GRID2: variants seen among roughly 807,000 people sequenced by gnomAD.
The protein encoded by GRID2 is glutamate ionotropic receptor delta type subunit 2, also known as glutamate receptor ionotropic, delta-2.
In GRID2, 33 loss-of-function variants were observed where a neutral mutation model predicts 114.8. That is an observed-to-expected ratio of 0.29 (90% confidence interval 0.22 to 0.38). GRID2 has a LOEUF of 0.38. GRID2 is among the 10% of genes least tolerant of loss of function. GRID2 has a pLI of 1.00. For missense variants in GRID2, 1,184 were observed against 1,257.7 expected (o/e 0.94, Z 0.89); for synonymous variants, 505 against 449.9 (o/e 1.12, Z -1.55).
At chr4:93,473,484 T>A (rs1297479160) in intron 11 of GRID2, among the ~76,000 whole-genome samples, 1 of 152,140 alleles carries the variant, frequency 6.6e-6, no homozygotes, top group Non-Finnish European at 1.5e-5. Flanking sequence ...CCACTAGATA[T>A]TGAGAAGAAG....
rs552263032 is a variant in GRID2, at chr4:92,713,776, A to G, written c.244+123490A>G. Among the ~76,000 whole-genome samples the G allele has an allele frequency of 3.3e-5, 5 of 151,976 alleles. No homozygotes were observed. In the East Asian group the frequency reaches 7.8e-4, roughly 24 times the overall value. ...TCAGATCTCATGAGACTTATTCACTATCATGAAATTAGCACAGGAAAGACC... is the reference window on the plus strand; with the variant it reads ...TCAGATCTCATGAGACTTATTCACTGTCATGAAATTAGCACAGGAAAGACC... On this transcript the variant is annotated intron_variant, in intron 2 of 15. Coordinates refer to ENST00000282020, the MANE Select transcript of GRID2 (RefSeq NM_001510.4).
intron 1 of GRID2, among the ~76,000 whole-genome samples, chr4:92,361,642 G>C (rs1728624540): frequency 1.3e-5 from 2 of 151,956 alleles, no homozygotes; most frequent in East Asian, 1.9e-4. Flanking sequence ...GTTGTGATGG[G>C]GGAAGGTTGG....
At chr4:92,926,830 G>A (rs909377499) in intron 2 of GRID2, among the ~76,000 whole-genome samples, 1 of 151,882 alleles carries the variant, frequency 6.6e-6, no homozygotes, top group African/African-American at 2.4e-5. Context: ...CATAACATGA[G>A]TTAAGGAGCA....
chr4:93,577,263 T>C (rs1446243241), intron 13 of GRID2, among the ~76,000 whole-genome samples: 1 of 152,132 alleles, frequency 6.6e-6, no homozygotes, highest in Non-Finnish European at 1.5e-5. Context: ...TAAATGTCTG[T>C]GCTTTGTAAG....
At chr4:93,602,055 T>C (rs1739736763) in intron 13 of GRID2, among the ~76,000 whole-genome samples, 2 of 152,218 alleles carry the variant, frequency 1.3e-5, no homozygotes, top group African/African-American at 4.8e-5. Context: ...CTGAATTTAG[T>C]AATTGAAAAC....
Position 93,238,478 on chromosome 4 carries a change from A to T in GRID2, c.1233A>T (p.Arg411Ser). ...LGTNYGEELG[R>S]GVRKLGCWNP... Reference sequence around the variant, plus strand: ...CCAACTATGGAGAAGAGCTTGGCAGAGGTGTTCGAAAAGTAAGACAAGACA... The same window carrying T: ...CCAACTATGGAGAAGAGCTTGGCAGTGGTGTTCGAAAAGTAAGACAAGACA... Residue 411 changes from arginine (R) to serine (S), a missense_variant, in exon 8 of 16, where the codon AGA (arginine) becomes AGT (serine). Physicochemically the swap from Arg to Ser is moderately radical, Grantham distance 110 (BLOSUM62 -1). This residue lies in a region of GRID2 where 717 missense variants were observed against 796.9 expected (regional missense o/e 0.90). Transcript: ENST00000282020. 6.2e-7 allele frequency: 1 copy of T among 1,609,942 alleles called. No individual in the cohort carries two copies. The highest frequency in any genetic ancestry group is 1.3e-5 in the African/African-American group (1 of 74,854).
At chr4:92,933,342 A>G (rs529414902) in intron 2 of GRID2, among the ~76,000 whole-genome samples, 113 of 151,562 alleles carry the variant, frequency 7.5e-4, no homozygotes, top group African/African-American at 2.5e-3. Flanking sequence ...AATTTATATT[A>G]CAAAAAGTAA....
chr4:92,907,986 G>T (rs766585639), intron 2 of GRID2, among the ~76,000 whole-genome samples: 1 of 152,020 alleles, frequency 6.6e-6, no homozygotes, highest in Admixed American at 6.6e-5. Context: ...CTATGGCACT[G>T]TACTCCAGCC....
chr4:93,294,683 C>T (rs111600365), intron 8 of GRID2, among the ~76,000 whole-genome samples: 4,226 of 152,120 alleles, frequency 0.028, 207 homozygotes, highest in African/African-American at 0.096. Flanking sequence ...CTCAGCCTCC[C>T]GAGTAGCTGG....
Position 93,491,552 on chromosome 4 carries a change from G to T in GRID2, c.1997+775G>T. On this transcript the variant is annotated intron_variant, in intron 12 of 15. Coordinates refer to ENST00000282020, the MANE Select transcript of GRID2 (RefSeq NM_001510.4). ...AATTTCTGCCTTATTAGAACATAAT[G>T]TTCTATATATTGTTTTAAGAAAAAT... 1.3e-5 allele frequency among the ~76,000 whole-genome samples: 2 copies of T among 151,836 alleles called. 1 individual carries two copies. Among genetic ancestry groups the T allele is most frequent in the East Asian group, 3.9e-4 (2 of 5,126 alleles).
At chr4:93,718,581 A>G (rs1338821418) in intron 14 of GRID2, among the ~76,000 whole-genome samples, 3 of 152,170 alleles carry the variant, frequency 2.0e-5, no homozygotes, top group South Asian at 2.1e-4. Flanking sequence ...AAAGCACCTA[A>G]AACAATAGCT....
chr4:92,913,536 T>A (rs978484332), intron 2 of GRID2, among the ~76,000 whole-genome samples: 1 of 151,978 alleles, frequency 6.6e-6, no homozygotes, highest in Admixed American at 6.6e-5. Context: ...GAGACCAATT[T>A]CCTGCATGAA....
rs955462419 is a variant in GRID2, at chr4:93,773,631, A to G, written c.*1133A>G. ...TAGAGCTCTAGAAGAGTTGAAACAT[A>G]GATCATTGAAGGTTAAAAATCCTCT... On this transcript the variant is annotated 3_prime_UTR_variant, in exon 16 of 16. Coordinates refer to ENST00000282020, the MANE Select transcript of GRID2 (RefSeq NM_001510.4). 1 of 152,148 alleles carries G rather than the reference A, an allele frequency of 6.6e-6. No individual in the cohort carries two copies. Among genetic ancestry groups the G allele is most frequent in the Non-Finnish European group, 1.5e-5 (1 of 67,988 alleles). The allele number at this position is 152,148 out of a possible 1,614,324, so 9.4% of individuals were successfully genotyped here. A position where few individuals can be genotyped will look rare whatever the true frequency, so the allele number is the denominator to read the frequency against.
intron 13 of GRID2, among the ~76,000 whole-genome samples, chr4:93,542,533 A>T (rs1407723721): frequency 1.3e-5 from 2 of 152,164 alleles, no homozygotes; most frequent in East Asian, 3.9e-4. Flanking sequence ...GCCTTTTTTC[A>T]CTGGAAGTAA....
chr4:92,318,112 C>T (rs1726095309), intron 1 of GRID2, among the ~76,000 whole-genome samples: 1 of 151,620 alleles, frequency 6.6e-6, no homozygotes, highest in Non-Finnish European at 1.5e-5. Flanking sequence ...TTGAATATTG[C>T]ACTCTTAAAA....
chr4:93,188,449 G>C (rs1309855353), intron 4 of GRID2, among the ~76,000 whole-genome samples: 5 of 152,140 alleles, frequency 3.3e-5, no homozygotes. Context: ...CTGTTCCCAA[G>C]GTCCTGGATT....
intron 2 of GRID2, among the ~76,000 whole-genome samples, chr4:92,617,905 C>G (rs1367785281): frequency 2.6e-5 from 4 of 151,540 alleles, no homozygotes; most frequent in African/African-American, 9.7e-5. Flanking sequence ...CTTTTATAGT[C>G]TAGATATTAA....
At chr4:93,666,307 C>T (rs181602677) in intron 14 of GRID2, among the ~76,000 whole-genome samples, 1 of 152,086 alleles carries the variant, frequency 6.6e-6, no homozygotes, top group Admixed American at 6.6e-5. Flanking sequence ...CCTGAGAATG[C>T]AGCATATGCA....
chr4:92,442,990 G>T lies in GRID2; in HGVS notation c.88+138246G>T, dbSNP rs1299334255. On this transcript the variant is annotated intron_variant, in intron 1 of 15. Coordinates refer to ENST00000282020, the MANE Select transcript of GRID2 (RefSeq NM_001510.4). Reference sequence around the variant, plus strand: ...GGAGCGGAGGCTGAGGAAGAATTGGGACCTAGCTCGGCCTGGCGAGGAGCA... The same window carrying T: ...GGAGCGGAGGCTGAGGAAGAATTGGTACCTAGCTCGGCCTGGCGAGGAGCA... Among the ~76,000 whole-genome samples, 3 of 152,092 alleles carry T rather than the reference G, an allele frequency of 2.0e-5. No individual in the cohort carries two copies. The East Asian group carries it at 5.8e-4, about 30-fold the overall frequency.
Sources: allele counts gnomAD v4.1 joint callset (sites outside exome capture counted in the v4.1 genomes callset), GRCh38; gene constraint gnomAD v4.1.1; regional missense constraint gnomAD v4.1.1; transcripts MANE v1.5; gene names NCBI Gene and HGNC (gene_info 2026-07-23, HGNC 2026-07-21).